PRDM15: variants seen among roughly 807,000 people sequenced by gnomAD.
PRDM15 encodes PR/SET domain 15.
In PRDM15, 64 loss-of-function variants were observed where a neutral mutation model predicts 128.6. The observed-to-expected ratio is 0.50, with a 90% confidence interval of 0.41 to 0.61. The LOEUF (loss-of-function observed/expected upper bound fraction) is 0.61. Ranked by LOEUF, PRDM15 falls within the 20% of genes least tolerant of loss-of-function variation. The pLI is 0.00. For missense variants in PRDM15, 1,242 were observed against 1,569.1 expected, an observed-to-expected ratio of 0.79 and a Z score of 3.52; for synonymous variants, 615 against 621.8, an observed-to-expected ratio of 0.99 and a Z score of 0.16.
At chr21:41,820,987 C>T in intron 16 of PRDM15, 80 bp downstream of exon 16, 2 of 1,559,990 alleles carry the variant, frequency 1.3e-6, no homozygotes, top group Non-Finnish European at 8.8e-7. Context: ...ACAAATGGCT[C>T]CTTATAGCAT....
chr21:41,825,894 A>C, intron 13 of PRDM15, 66 bp downstream of exon 13: 1 of 1,223,928 alleles, frequency 8.2e-7, no homozygotes, highest in Non-Finnish European at 1.2e-6. Context: ...TACAGCTCAT[A>C]GAGTCTTAAC....
At position 41,828,771 on chromosome 21, in the gene PRDM15, A is replaced by C. The variant is rs1423280861; in HGVS notation, c.1367-438T>G. Among the ~76,000 whole-genome samples the C allele has an allele frequency of 6.6e-6, 1 of 151,866 alleles. No homozygotes were observed. The highest frequency in any genetic ancestry group is 1.5e-5 in the Non-Finnish European group (1 of 67,936). On this transcript the variant is annotated intron_variant, in intron 11 of 23. Coordinates refer to ENST00000398548, the MANE Select transcript of PRDM15 (RefSeq NM_001040424.3). The surrounding 1 kb of genome is among the most constrained non-coding windows in gnomAD (Gnocchi z 5.7). ...CACCCGAGCAACTGACCACCCGACC[A>C]ATGTGGCCGCCCCTGCCCCCAGGAT...
In PRDM15 at chr21:41,859,767, C is replaced by A; in HGVS notation, c.38-82G>T. 3.4e-6 allele frequency: 4 copies of A among 1,173,516 alleles called. No homozygotes were observed. Among genetic ancestry groups the A allele is most frequent in the Non-Finnish European group, 3.7e-6 (3 of 802,924 alleles). 72.7% of individuals were successfully genotyped at this position (1,173,516 alleles called of 1,614,324 possible). ...CAAACCTGGGAAATGGGGACCCTGG[C>A]CCCATGAGGGTGACCCAGAGTCATG... On this transcript the variant is annotated intron_variant, in intron 2 of 23. Transcript: ENST00000398548. The surrounding 1 kb of genome is among the most constrained non-coding windows in gnomAD (Gnocchi z 5.3).
chr21:41,849,829 G>A (rs892214083), intron 5 of PRDM15, among the ~76,000 whole-genome samples: 1 of 151,922 alleles, frequency 6.6e-6, no homozygotes, highest in Admixed American at 6.6e-5. Context: ...CCCAGCTACT[G>A]GGGAGGCTGA....
Position 41,879,117 on chromosome 21 carries a change from C to A in PRDM15, c.-10+153G>T. On this transcript the variant is annotated intron_variant, in intron 1 of 23. Coordinates refer to ENST00000398548, the MANE Select transcript of PRDM15 (RefSeq NM_001040424.3). This position sits in a 1 kb window ranked among gnomAD's most constrained non-coding sequence, Gnocchi z 5.1. ...ATGTAACAAAGAACAGTCGGCATGGCGGCTGGACCGGGGCGGCGCGCGGCT... is the reference window on the plus strand; with the variant it reads ...ATGTAACAAAGAACAGTCGGCATGGAGGCTGGACCGGGGCGGCGCGCGGCT... The A allele has an allele frequency of 9.5e-7, 1 of 1,057,766 alleles. No homozygotes were observed. The highest frequency in any genetic ancestry group is 1.2e-6 in the Non-Finnish European group (1 of 861,622). The allele number at this position is 1,057,766 out of a possible 1,614,324, so 65.5% of individuals were successfully genotyped here.
At chr21:41,806,066 TCACCACCACCATC>T in intron 21 of PRDM15, among the ~76,000 whole-genome samples, 1 of 7,598 alleles carries the variant, frequency 1.3e-4, no homozygotes, top group Non-Finnish European at 2.8e-4. Flanking sequence ...ACCATCACCA[TCACCACCACCATC>T]ACCACCACCA....
intron 1 of PRDM15, among the ~76,000 whole-genome samples, chr21:41,872,514 T>C (rs7275619): frequency 0.38 from 57,610 of 151,846 alleles, 12,029 homozygotes; most frequent in Non-Finnish European, 0.48. Flanking sequence ...TGATTTTTTA[T>C]ATTTGCTTAG....
intron 6 of PRDM15, among the ~76,000 whole-genome samples, chr21:41,846,526 C>G (rs1004989674): frequency 6.6e-6 from 1 of 152,194 alleles, no homozygotes; most frequent in Non-Finnish European, 1.5e-5. Flanking sequence ...GAAACCCTGT[C>G]TCTACAATAA....
At chr21:41,809,892 G>A (rs2061806046) in intron 21 of PRDM15, among the ~76,000 whole-genome samples, 1 of 152,204 alleles carries the variant, frequency 6.6e-6, no homozygotes, top group Admixed American at 6.5e-5. Flanking sequence ...TGGCAGGGCT[G>A]TGCTTCCATC....
At chr21:41,878,480 G>A (rs1349251205) in intron 1 of PRDM15, among the ~76,000 whole-genome samples, 1 of 152,144 alleles carries the variant, frequency 6.6e-6, no homozygotes, top group African/African-American at 2.4e-5. Context: ...ACCCCTGCGT[G>A]AACACCTCCC....
At chr21:41,831,967 T>C (rs918755801) in intron 11 of PRDM15, among the ~76,000 whole-genome samples, 2 of 152,192 alleles carry the variant, frequency 1.3e-5, no homozygotes, top group Non-Finnish European at 1.5e-5. Flanking sequence ...TGAAACATTA[T>C]CCATACAGCC....
Position 41,825,981 on chromosome 21 carries a change from G to T in PRDM15, c.1608C>A (p.Ser536=). The change falls in exon 13 of 24, where the codon TCC becomes TCA. Residue 536 remains serine, a synonymous_variant. Coordinates refer to ENST00000398548, the MANE Select transcript of PRDM15 (RefSeq NM_001040424.3). ...ENLVRYKKEP[S]GCPVCGKVFS... ...TTACCTTGCCACACACCGGGCACCC[G>T]GAAGGCTCCTTCTTGTAACGGACCA... 1.2e-6 allele frequency: 2 copies of T among 1,613,948 alleles called. No homozygotes were observed. Among genetic ancestry groups the T allele is most frequent in the Non-Finnish European group, 1.7e-6 (2 of 1,179,890 alleles).
At chr21:41,872,715 A>G (rs1016040060) in intron 1 of PRDM15, among the ~76,000 whole-genome samples, 3 of 152,156 alleles carry the variant, frequency 2.0e-5, no homozygotes, top group Non-Finnish European at 4.4e-5. Flanking sequence ...TGTGCGGGCC[A>G]GAGGTGGTGG....
chr21:41,814,948 G>A (rs1024685332), intron 19 of PRDM15: 6 of 134,302 alleles, frequency 4.5e-5, no homozygotes, highest in African/African-American at 1.7e-4. Context: ...ATTGCGCAGG[G>A]TGCTCTAGTG....
chr21:41,853,177 G>A (rs1017990245), intron 5 of PRDM15, among the ~76,000 whole-genome samples: 3 of 152,242 alleles, frequency 2.0e-5, no homozygotes, highest in African/African-American at 7.2e-5. Context: ...TATGGGGGCA[G>A]CGCAGCGCCG....
rs539503346 is a variant in PRDM15 at position 41,799,806 on chromosome 21, G to A, written c.*1434C>T. On this transcript the variant is annotated 3_prime_UTR_variant, in exon 24 of 24. Transcript: ENST00000398548. ...TAACTGGCAAAGCAGGACACCTTAA[G>A]GCAGGTTTGTCCTCTCACTGTGGCC... 11 of 152,724 alleles carry A rather than the reference G, an allele frequency of 7.2e-5. No homozygotes were observed. The highest frequency in any genetic ancestry group is 2.4e-4 in the African/African-American group (10 of 41,562). 9.5% of individuals were successfully genotyped at this position (152,724 alleles called of 1,614,324 possible). A position where few individuals can be genotyped will look rare whatever the true frequency, so the allele number is the denominator to read the frequency against.
intron 13 of PRDM15, among the ~76,000 whole-genome samples, chr21:41,824,248 G>A (rs1430908556): frequency 1.3e-5 from 2 of 152,192 alleles, no homozygotes; most frequent in African/African-American, 2.4e-5. Flanking sequence ...ATCTCCAGGC[G>A]ACATCTCTTT....
Position 41,811,026 on chromosome 21 carries a change from C to T in PRDM15, c.2393-190G>A, listed in dbSNP as rs1164120756. On this transcript the variant is annotated intron_variant, in intron 19 of 23. Coordinates refer to ENST00000398548, the MANE Select transcript of PRDM15 (RefSeq NM_001040424.3). This position sits in a 1 kb window ranked among gnomAD's most constrained non-coding sequence, Gnocchi z 4.1. The stretch of plus-strand genomic sequence containing the variant: ...CAAAGTGTGGCTTGGAAAGTTTATG[C>T]TTCCATAGTGACATTTCATATCAAA... 5 of 567,270 alleles carry T rather than the reference C, an allele frequency of 8.8e-6. No individual in the cohort carries two copies. The highest frequency in any genetic ancestry group is 6.1e-4 in the Middle Eastern group (2 of 3,272). The allele number at this position is 567,270 out of a possible 1,614,324, so 35.1% of individuals were successfully genotyped here.
At position 41,863,000 on chromosome 21, in the gene PRDM15, C is replaced by T. The variant is rs924822779; in HGVS notation, c.-9-2628G>A. 2.0e-5 allele frequency among the ~76,000 whole-genome samples: 3 copies of T among 152,002 alleles called. No individual in the cohort carries two copies. Among genetic ancestry groups the T allele is most frequent in the African/African-American group, 7.2e-5 (3 of 41,380 alleles). On this transcript the variant is annotated intron_variant, in intron 1 of 23. Coordinates refer to ENST00000398548, the MANE Select transcript of PRDM15 (RefSeq NM_001040424.3). This position sits in a 1 kb window ranked among gnomAD's most constrained non-coding sequence, Gnocchi z 4.1. The stretch of plus-strand genomic sequence containing the variant: ...CCTGGCCGACATGGTGAAACCCCAT[C>T]TCTACTAAAAATACAAAAACTAGCC...
Sources: allele counts gnomAD v4.1 joint callset (sites outside exome capture counted in the v4.1 genomes callset), GRCh38; gene constraint gnomAD v4.1.1; non-coding constraint Gnocchi (gnomAD v3.1); transcripts MANE v1.5; gene names NCBI Gene and HGNC (gene_info 2026-07-23, HGNC 2026-07-21).